Variants in PDE3B observed in about 807,000 individuals in gnomAD.
The protein encoded by PDE3B is phosphodiesterase 3B, also known as cGMP-inhibited 3',5'-cyclic phosphodiesterase 3B.
PDE3B carries 66 observed loss-of-function variants against 116.8 expected under a neutral mutation model. That is an observed-to-expected ratio of 0.56 (90% CI 0.46 to 0.69). PDE3B has a LOEUF of 0.69. Ranked by LOEUF, PDE3B falls within the 30% of genes least tolerant of loss-of-function variation. The pLI is 0.00. For synonymous variants in PDE3B, 595 were observed against 533.6 expected, an observed-to-expected ratio of 1.12 and a Z score of -1.59; for missense variants, 1,384 against 1,368.1, an observed-to-expected ratio of 1.01 and a Z score of -0.18.
intron 2 of PDE3B, chr11:14,774,967 A>C (rs772745598): frequency 6.6e-6 from 1 of 152,170 alleles, no homozygotes; most frequent in Non-Finnish European, 1.5e-5. Flanking sequence ...AGGTCTTTGC[A>C]CTTGCTAGTC....
intron 1 of PDE3B, among the ~76,000 whole-genome samples, chr11:14,741,254 C>G (rs1375358238): frequency 6.6e-6 from 1 of 152,030 alleles, no homozygotes; most frequent in Admixed American, 6.6e-5. Flanking sequence ...TTGTAGGCCT[C>G]TAAGACTTGG....
At chr11:14,880,355 T>TGAGTCTGGAGAGAAAATCATAGACTA in the PDE3B span, 2 of 1,613,274 alleles carry the variant, frequency 1.2e-6, no homozygotes, top group Admixed American at 1.7e-5. Context: ...GCTTTTTCAA[T>TGAGTCTGGAGAGAAAATCATAGACTA]GAGTCTGGAG....
At chr11:14,737,192 T>G (rs1379190758) in intron 1 of PDE3B, among the ~76,000 whole-genome samples, 1 of 113,836 alleles carries the variant, frequency 8.8e-6, no homozygotes, top group African/African-American at 3.5e-5. Flanking sequence ...ACCAACAGGC[T>G]GCCTTCTTTT....
chr11:14,779,186 G>A (rs773133483), intron 2 of PDE3B, among the ~76,000 whole-genome samples: 14 of 152,150 alleles, frequency 9.2e-5, no homozygotes, highest in East Asian at 5.8e-4. Context: ...CCAAATCTAC[G>A]TCTGATGGGT....
At chr11:14,880,415 C>T in the PDE3B span, 1 of 1,613,328 alleles carries the variant, frequency 6.2e-7, no homozygotes, top group Admixed American at 1.7e-5. Flanking sequence ...TGATGTTTTC[C>T]AAAAGGCAGG....
intron 5 of PDE3B, among the ~76,000 whole-genome samples, chr11:14,817,067 G>C (rs555810220): frequency 6.6e-5 from 10 of 152,248 alleles, no homozygotes; most frequent in Non-Finnish European, 1.2e-4. Context: ...ACTGGATTAA[G>C]AAAATGTGGC....
At chr11:14,814,635 A>G (rs1859258844) in intron 5 of PDE3B, among the ~76,000 whole-genome samples, 1 of 152,168 alleles carries the variant, frequency 6.6e-6, no homozygotes, top group Non-Finnish European at 1.5e-5. Context: ...AAATTTGACT[A>G]CATGAACATT....
intron 2 of PDE3B, among the ~76,000 whole-genome samples, chr11:14,783,041 A>C (rs1430059409): frequency 6.6e-6 from 1 of 152,246 alleles, no homozygotes; most frequent in Admixed American, 6.5e-5. Flanking sequence ...GAGAAATGCA[A>C]ATCAAAACCA....
At position 14,654,787 on chromosome 11, in the gene PDE3B, TACACACACACACACACAC is replaced by T. The variant is rs59557281; in HGVS notation, c.978+9762_978+9779del. Among the ~76,000 whole-genome samples, 90 of 142,088 alleles carry T rather than the reference TACACACACACACACACAC, an allele frequency of 6.3e-4. No homozygotes were observed. The South Asian group carries it at 0.012, about 19-fold the overall frequency. 93.2% of individuals were successfully genotyped at this position (142,088 alleles called of 152,430 possible). A position where few individuals can be genotyped will look rare whatever the true frequency, so the allele number is the denominator to read the frequency against. On this transcript the variant is annotated intron_variant, in intron 1 of 15. Transcript: ENST00000282096. ...TGTTTATATATACACAGCAGCTGTC[TACACACACACACACACAC>T]ACACACACACACACACACACACACA...
At chr11:14,669,462 C>G (rs1225407999) in intron 1 of PDE3B, among the ~76,000 whole-genome samples, 3 of 152,110 alleles carry the variant, frequency 2.0e-5, no homozygotes, top group Admixed American at 6.6e-5. Flanking sequence ...ATTCGTAACA[C>G]TACCTTTTTT....
chr11:14,883,301 AACCAAAACAGCATGGTACTGGT>A, the PDE3B span, among the ~76,000 whole-genome samples: 1 of 152,078 alleles, frequency 6.6e-6, no homozygotes, highest in Non-Finnish European at 1.5e-5. Flanking sequence ...AGGCTACACT[AACCAAAACAGCATGGTACTGGT>A]ACCAAAACAG....
intron 1 of PDE3B, among the ~76,000 whole-genome samples, chr11:14,699,789 G>T (rs1467217611): frequency 6.6e-6 from 1 of 151,746 alleles, no homozygotes; most frequent in Admixed American, 6.6e-5. Flanking sequence ...AAAGCAGAAG[G>T]TGTTATTTAG....
At chr11:14,860,167 TTTAAA>T (rs1847920233) in intron 13 of PDE3B, among the ~76,000 whole-genome samples, 2 of 152,202 alleles carry the variant, frequency 1.3e-5, no homozygotes, top group Non-Finnish European at 2.9e-5. Context: ...CACTTTAATT[TTTAAA>T]TAAAATTCAT....
At chr11:14,820,199 A>C (rs907134839) in intron 7 of PDE3B, among the ~76,000 whole-genome samples, 8 of 151,894 alleles carry the variant, frequency 5.3e-5, no homozygotes, top group Admixed American at 2.0e-4. Context: ...TCTTCCAAAA[A>C]ATAGAAGAGG....
chr11:14,846,546 A>G lies in PDE3B; in HGVS notation c.2520+2520A>G, dbSNP rs946612029. 1.8e-4 allele frequency among the ~76,000 whole-genome samples: 27 copies of G among 152,340 alleles called. No homozygotes were observed. In the East Asian group the frequency reaches 4.6e-3, roughly 26 times the overall value. On this transcript the variant is annotated intron_variant, in intron 12 of 15. Coordinates refer to ENST00000282096, the MANE Select transcript of PDE3B (RefSeq NM_000922.4). ...TCCAATTAAAAGATACAGACTGGCAAATTGGATAAAGAGTCAAGACCCATC... is the reference window on the plus strand; with the variant it reads ...TCCAATTAAAAGATACAGACTGGCAGATTGGATAAAGAGTCAAGACCCATC...
intron 1 of PDE3B, among the ~76,000 whole-genome samples, chr11:14,683,529 TTTATTC>T (rs1477860342): frequency 2.0e-5 from 3 of 152,082 alleles, no homozygotes; most frequent in African/African-American, 7.2e-5. Context: ...ATATTCCTCT[TTTATTC>T]TTGTTATTGG....
At chr11:14,649,885 T>G (rs1486208055) in intron 1 of PDE3B, among the ~76,000 whole-genome samples, 1 of 152,218 alleles carries the variant, frequency 6.6e-6, no homozygotes, top group East Asian at 1.9e-4. Context: ...GAAAAACTGT[T>G]AGCTAAACAA....
At chr11:14,850,981 A>ATTTTTTT (rs143254814) in intron 12 of PDE3B, among the ~76,000 whole-genome samples, 1 of 103,394 alleles carries the variant, frequency 9.7e-6, no homozygotes, top group Non-Finnish European at 2.0e-5. Context: ...ACACCCAGCT[A>ATTTTTTT]TTTTTTTTTT....
intron 1 of PDE3B, among the ~76,000 whole-genome samples, chr11:14,660,348 C>G (rs1853858109): frequency 6.7e-6 from 1 of 150,206 alleles, no homozygotes; most frequent in Non-Finnish European, 1.5e-5. Context: ...GTTGCCCAGG[C>G]TGGAGTGCAA....
Sources: gnomAD v4.1 joint callset for allele counts (sites outside exome capture counted in the v4.1 genomes callset) on GRCh38, gnomAD v4.1.1 for gene constraint, MANE v1.5 for transcripts, NCBI Gene and HGNC (gene_info 2026-07-23, HGNC 2026-07-21) for gene names.